Variants in SLC5A8 observed in about 807,000 individuals in gnomAD.
SLC5A8 encodes solute carrier family 5 member 8.
SLC5A8 carries 55 observed loss-of-function variants against 71.9 expected under a neutral mutation model. The observed-to-expected ratio is 0.77, with a 90% CI of 0.62 to 0.96. The LOEUF is 0.96. Among genes scored for constraint, SLC5A8 ranks in the 40% least tolerant of loss-of-function variants. The pLI, the probability that SLC5A8 is intolerant of heterozygous loss-of-function variation, is 0.00. For missense variants in SLC5A8, 701 were observed against 745.3 expected (o/e 0.94, Z 0.69); for synonymous variants, 307 against 276.1 (o/e 1.11, Z -1.11).
intron 1 of SLC5A8, among the ~76,000 whole-genome samples, chr12:101,209,107 C>G (rs1869797123): frequency 6.6e-6 from 1 of 152,146 alleles, no homozygotes; most frequent in East Asian, 1.9e-4. Flanking sequence ...AAGAGTATTC[C>G]TTTCAAGAAG....
chr12:101,171,660 G>T (rs1365945995), intron 10 of SLC5A8, among the ~76,000 whole-genome samples: 1 of 152,158 alleles, frequency 6.6e-6, no homozygotes, highest in African/African-American at 2.4e-5. Flanking sequence ...CGCCAATGAT[G>T]GGGGAAGAGT....
At chr12:101,200,779 T>A (rs574473667) in intron 3 of SLC5A8, among the ~76,000 whole-genome samples, 2 of 152,266 alleles carry the variant, frequency 1.3e-5, no homozygotes, top group African/African-American at 4.8e-5. Context: ...AATATTAACA[T>A]AGAGTGATGA....
At chr12:101,186,082 T>A (rs1404379726) in intron 7 of SLC5A8, among the ~76,000 whole-genome samples, 2 of 82,262 alleles carry the variant, frequency 2.4e-5, no homozygotes, top group Admixed American at 2.3e-4. Context: ...CCGTAGGGAT[T>A]TTTTTTTTTT....
At chr12:101,196,188 C>T (rs1301553225) in intron 3 of SLC5A8, among the ~76,000 whole-genome samples, 8 of 152,118 alleles carry the variant, frequency 5.3e-5, no homozygotes, top group African/African-American at 1.4e-4. Flanking sequence ...ATAGGCCCCA[C>T]TGTGTGTTGT....
At chr12:101,201,597 T>C (rs1869456490) in intron 3 of SLC5A8, among the ~76,000 whole-genome samples, 1 of 152,216 alleles carries the variant, frequency 6.6e-6, no homozygotes, top group Non-Finnish European at 1.5e-5. Context: ...TTCCCAAATC[T>C]AGAGAGTATG....
At chr12:101,158,088 T>C (rs1035159056) in intron 14 of SLC5A8, among the ~76,000 whole-genome samples, 161 bp downstream of exon 14, 1 of 152,210 alleles carries the variant, frequency 6.6e-6, no homozygotes, top group African/African-American at 2.4e-5. Flanking sequence ...TAGATCATCA[T>C]AGGATAGAGA....
intron 13 of SLC5A8, among the ~76,000 whole-genome samples, chr12:101,159,644 A>C (rs1161703736): frequency 6.6e-6 from 1 of 152,194 alleles, no homozygotes; most frequent in African/African-American, 2.4e-5. Flanking sequence ...AGTGTTTTCT[A>C]TTACTGGATC....
chr12:101,209,504 G>A lies in SLC5A8; in HGVS notation c.345C>T (p.Thr115=), dbSNP rs772150068. The part of the protein sequence containing the change: ...PVFYKLGITS[T]YEYLELRFNK... ...AGCCCACCCTGCCCCTTACCTCGTA[G>A]GTGCTGGTAATTCCCAGTTTGTAGA... The change falls in exon 1 of 15, where the codon ACC becomes ACT. Residue 115 remains threonine, a synonymous_variant. Coordinates refer to ENST00000536262, the MANE Select transcript of SLC5A8 (RefSeq NM_145913.5). The A allele has an allele frequency of 1.7e-5, 26 of 1,532,656 alleles. No homozygotes were observed. The highest frequency in any genetic ancestry group is 4.1e-5 in the African/African-American group (3 of 73,522). The allele number at this position is 1,532,656 out of a possible 1,614,324, so 94.9% of individuals were successfully genotyped here. A position where few individuals can be genotyped will look rare whatever the true frequency, so the allele number is the denominator to read the frequency against.
At chr12:101,201,102 G>A (rs1359625678) in intron 3 of SLC5A8, among the ~76,000 whole-genome samples, 5 of 152,062 alleles carry the variant, frequency 3.3e-5, no homozygotes, top group African/African-American at 1.2e-4. Flanking sequence ...TCAGTCCTCT[G>A]GTAATTCCCA....
intron 1 of SLC5A8, 95 bp downstream of exon 1, chr12:101,209,403 G>T (rs1430190919): frequency 4.6e-6 from 4 of 861,420 alleles, no homozygotes; most frequent in Non-Finnish European, 7.0e-6. Context: ...TTTCGATGTG[G>T]CAGTGACAGT....
intron 10 of SLC5A8, among the ~76,000 whole-genome samples, chr12:101,171,260 C>G (rs939558237): frequency 6.6e-6 from 1 of 152,166 alleles, no homozygotes; most frequent in Non-Finnish European, 1.5e-5. Context: ...GTGACCTGGT[C>G]TCCTGGAAAT....
At chr12:101,160,117 G>A (rs1297240995) in intron 13 of SLC5A8, among the ~76,000 whole-genome samples, 2 of 152,168 alleles carry the variant, frequency 1.3e-5, no homozygotes, top group East Asian at 3.8e-4. Context: ...AGGAGGCAGA[G>A]GTTACAGTGA....
chr12:101,190,366 T>C, intron 6 of SLC5A8, 102 bp downstream of exon 6: 3 of 1,271,584 alleles, frequency 2.4e-6, no homozygotes, highest in Admixed American at 2.6e-5. Flanking sequence ...TGGAATTTCA[T>C]GACACAAAAG....
At chr12:101,176,074 A>G (rs904951973) in intron 10 of SLC5A8, among the ~76,000 whole-genome samples, 2 of 152,092 alleles carry the variant, frequency 1.3e-5, no homozygotes, top group Non-Finnish European at 2.9e-5. Context: ...GATTTTTAAA[A>G]AAGACTCAAC....
chr12:101,191,820 G>A (rs997858434), intron 5 of SLC5A8, among the ~76,000 whole-genome samples: 3 of 152,170 alleles, frequency 2.0e-5, no homozygotes, highest in East Asian at 3.9e-4. Context: ...CACAAATAAG[G>A]CTTTTTATTG....
rs1482723933 is a variant in SLC5A8 at position 101,190,545 on chromosome 12, T to C, written c.756A>G (p.Thr252=). 6.2e-7 allele frequency: 1 copy of C among 1,613,284 alleles called. No homozygotes were observed. The highest frequency in any genetic ancestry group is 8.5e-7 in the Non-Finnish European group (1 of 1,179,704). Residue 252 remains threonine, a synonymous_variant, in exon 6 of 15, where the codon ACA becomes ACG. Transcript: ENST00000536262. ...GGTTGACACCGTAGATGCTGGTCCA[T>C]GTGAAGGTCCCTCCTATAATAATTG... ...FWTIIIGGTF[T]WTSIYGVNQS...
intron 5 of SLC5A8, among the ~76,000 whole-genome samples, 156 bp downstream of exon 5, chr12:101,193,469 G>T (rs562197538): frequency 2.0e-5 from 3 of 152,172 alleles, no homozygotes; most frequent in Non-Finnish European, 2.9e-5. Context: ...ACAGAGGGAG[G>T]CTCCTTACGT....
intron 13 of SLC5A8, among the ~76,000 whole-genome samples, chr12:101,160,375 C>G (rs1177710865): frequency 6.6e-6 from 1 of 152,100 alleles, no homozygotes; most frequent in Non-Finnish European, 1.5e-5. Context: ...ACAAGTGTCA[C>G]AGAAGTTTGA....
At chr12:101,161,264 G>A (rs1273667870) in intron 13 of SLC5A8, among the ~76,000 whole-genome samples, 1 of 152,078 alleles carries the variant, frequency 6.6e-6, no homozygotes, top group Non-Finnish European at 1.5e-5. Context: ...TATAGGATGT[G>A]TTTCATTCAA....
Sources: gnomAD v4.1 joint callset for allele counts (sites outside exome capture counted in the v4.1 genomes callset) on GRCh38, gnomAD v4.1.1 for gene constraint, MANE v1.5 for transcripts, NCBI Gene and HGNC (gene_info 2026-07-23, HGNC 2026-07-21) for gene names.